FSTL4: variants seen among roughly 807,000 people sequenced by gnomAD.
The protein encoded by FSTL4 is follistatin like 4.
A neutral mutation model predicts 78.2 loss-of-function variants in FSTL4; 28 were observed. That is an observed-to-expected ratio of 0.36 (90% CI 0.27 to 0.49). FSTL4 has a LOEUF of 0.49. Ranked by LOEUF, FSTL4 falls within the 20% of genes least tolerant of loss-of-function variation. FSTL4 has a pLI of 0.98. For synonymous variants in FSTL4, 422 were observed against 440.5 expected (o/e 0.96, Z 0.53); for missense variants, 922 against 1,084.9 (o/e 0.85, Z 2.11).
At chr5:133,391,628 C>G (rs569083563) in intron 4 of FSTL4, among the ~76,000 whole-genome samples, 8 of 152,220 alleles carry the variant, frequency 5.3e-5, no homozygotes, top group Non-Finnish European at 7.3e-5. Context: ...CTCAGTTTCT[C>G]TCTGCTTACT....
intron 2 of FSTL4, among the ~76,000 whole-genome samples, chr5:133,594,005 C>T (rs931902294): frequency 3.3e-5 from 5 of 151,852 alleles, no homozygotes; most frequent in Non-Finnish European, 5.9e-5. Flanking sequence ...GCTAGGTGCT[C>T]AGTGGGTGTC....
Position 133,217,256 on chromosome 5 carries a change from G to A in FSTL4, c.1581C>T (p.Val527=), listed in dbSNP as rs111394662. 54 of 1,613,896 alleles carry A rather than the reference G, an allele frequency of 3.3e-5. No individual in the cohort carries two copies. The highest frequency in any genetic ancestry group is 1.5e-4 in the African/African-American group (11 of 75,030). The change falls in exon 13 of 16, where the codon GTC becomes GTT. Residue 527 remains valine (V), a synonymous_variant. Transcript: ENST00000265342. The stretch of plus-strand genomic sequence containing the variant: ...GTAGGACTTTCTGGGCTTGGATGTC[G>A]ACCACAAGGACTCTGCTCAGTGCTG... ...AQPALSRVLV[V]DIQAQKVLQS... is the part of the protein sequence containing the mutation.
At chr5:133,425,050 C>A (rs1756781491) in intron 3 of FSTL4, among the ~76,000 whole-genome samples, 1 of 152,192 alleles carries the variant, frequency 6.6e-6, no homozygotes, top group African/African-American at 2.4e-5. Flanking sequence ...GTGGATTAAT[C>A]TATTTCAAGT....
At position 133,354,874 on chromosome 5, in the gene FSTL4, T is replaced by G. The variant is rs149031387; in HGVS notation, c.410-38222A>C. ...ACCCAAGTGATGACAGTAATGTACA[T>G]GCATGTGTGGGATGAGGAATGTCAC... On this transcript the variant is annotated intron_variant, in intron 4 of 15. Transcript: ENST00000265342. Among the ~76,000 whole-genome samples the G allele has an allele frequency of 4.8e-3, 735 of 152,348 alleles. 11 individuals are homozygous for G. The highest frequency in any genetic ancestry group is 0.016 in the African/African-American group (684 of 41,584).
intron 6 of FSTL4, among the ~76,000 whole-genome samples, chr5:133,291,644 A>G (rs1200477102): frequency 6.6e-6 from 1 of 152,176 alleles, no homozygotes; most frequent in Non-Finnish European, 1.5e-5. Flanking sequence ...AAGGAGGGAG[A>G]GGTCCGGAGG....
At chr5:133,488,393 T>A (rs1349018704) in intron 3 of FSTL4, among the ~76,000 whole-genome samples, 2 of 152,164 alleles carry the variant, frequency 1.3e-5, no homozygotes, top group East Asian at 3.9e-4. Context: ...TAGCTGGAAT[T>A]ACGGGTACCC....
At chr5:133,681,579 A>C in the FSTL4 span, among the ~76,000 whole-genome samples, 2 of 152,254 alleles carry the variant, frequency 1.3e-5, no homozygotes, top group African/African-American at 4.8e-5. Flanking sequence ...AAAGAAAAAA[A>C]AAACTTGACA....
At position 133,311,886 on chromosome 5, in the gene FSTL4, C is replaced by T. The variant is rs538721387; in HGVS notation, c.727+768G>A. Among the ~76,000 whole-genome samples the T allele has an allele frequency of 3.9e-5, 6 of 152,284 alleles. No individual in the cohort carries two copies. In the East Asian group the frequency reaches 1.2e-3, roughly 29 times the overall value. On this transcript the variant is annotated intron_variant, in intron 6 of 15. Coordinates refer to ENST00000265342, the MANE Select transcript of FSTL4 (RefSeq NM_015082.2). ...TCATCTCTTTTGGGCCAAGGATGTC[C>T]CCTCTAGTCTCCAGCGTGGGCCCAG...
chr5:133,543,327 C>T (rs458855), intron 3 of FSTL4, among the ~76,000 whole-genome samples: 61,671 of 152,050 alleles, frequency 0.41, 12,791 homozygotes, highest in African/African-American at 0.48. Flanking sequence ...GTTGGGATTA[C>T]AGGCATGAGC....
chr5:133,532,093 G>T (rs773429439), intron 3 of FSTL4, among the ~76,000 whole-genome samples: 1 of 152,184 alleles, frequency 6.6e-6, no homozygotes, highest in Non-Finnish European at 1.5e-5. Context: ...ACAATCACAG[G>T]TCCTTCTAAA....
At chr5:133,429,527 A>G (rs775990235) in intron 3 of FSTL4, among the ~76,000 whole-genome samples, 15 of 152,160 alleles carry the variant, frequency 9.9e-5, no homozygotes, top group African/African-American at 1.7e-4. Context: ...CCAAGCCAAG[A>G]GAAGATATCA....
intron 4 of FSTL4, among the ~76,000 whole-genome samples, chr5:133,395,181 C>T (rs1755985230): frequency 6.6e-6 from 1 of 152,038 alleles, no homozygotes; most frequent in Non-Finnish European, 1.5e-5. Flanking sequence ...ACCTGGGTCC[C>T]CTTCCACCCC....
At chr5:133,669,375 G>C in the FSTL4 span, among the ~76,000 whole-genome samples, 69 of 152,332 alleles carry the variant, frequency 4.5e-4, no homozygotes, top group African/African-American at 1.5e-3. Context: ...CATCCTCCCT[G>C]AGCACTTCTT....
intron 4 of FSTL4, among the ~76,000 whole-genome samples, chr5:133,385,923 ATG>A (rs199825783): frequency 2.0e-5 from 3 of 152,170 alleles, no homozygotes; most frequent in African/African-American, 4.8e-5. Context: ...GATAATCACT[ATG>A]TGTGTGTGTT....
chr5:133,276,644 T>C (rs535608868), intron 6 of FSTL4, among the ~76,000 whole-genome samples: 2 of 152,314 alleles, frequency 1.3e-5, no homozygotes, highest in East Asian at 1.9e-4. Context: ...TCTACTCTTA[T>C]AACAGGAGCA....
chr5:133,734,925 C>T, the FSTL4 span, among the ~76,000 whole-genome samples: 1 of 152,204 alleles, frequency 6.6e-6, no homozygotes, highest in Admixed American at 6.5e-5. Context: ...CCCTCACCAT[C>T]ATGGGTCAAC....
intron 3 of FSTL4, among the ~76,000 whole-genome samples, chr5:133,562,763 G>A (rs929237418): frequency 3.3e-5 from 5 of 152,162 alleles, no homozygotes; most frequent in South Asian, 2.1e-4. Context: ...CTTACAGATC[G>A]TCCTATGCTC....
In FSTL4 at chr5:133,255,528, G is replaced by C. The variant is rs763057461; in HGVS notation, c.728-5952C>G. On this transcript the variant is annotated intron_variant, in intron 6 of 15. Transcript: ENST00000265342. Reference sequence around the variant, plus strand: ...ACAGAGCTTCCTGGACCACTAGCTAGGCTGCGTGTCCCACAGTGGGATTCT... The same window carrying C: ...ACAGAGCTTCCTGGACCACTAGCTACGCTGCGTGTCCCACAGTGGGATTCT... Among the ~76,000 whole-genome samples the C allele has an allele frequency of 1.8e-4, 28 of 152,370 alleles. 1 individual carries two copies. Among genetic ancestry groups the C allele is most frequent in the Non-Finnish European group, 2.4e-4 (16 of 68,034 alleles).
chr5:133,308,679 T>C lies in FSTL4; in HGVS notation c.727+3975A>G, dbSNP rs77121199. 6.3e-3 allele frequency among the ~76,000 whole-genome samples: 964 copies of C among 152,332 alleles called. 14 individuals carry two copies. Among genetic ancestry groups the C allele is most frequent in the African/African-American group, 0.022 (922 of 41,576 alleles). ...GAGATGGTGAAAAAACAGATGTAAA[T>C]TCACCAGGTGACCATATCATCTGTT... On this transcript the variant is annotated intron_variant, in intron 6 of 15. Transcript: ENST00000265342.
Sources: allele counts gnomAD v4.1 joint callset (sites outside exome capture counted in the v4.1 genomes callset), GRCh38; gene constraint gnomAD v4.1.1; transcripts MANE v1.5; gene names NCBI Gene and HGNC (gene_info 2026-07-23, HGNC 2026-07-21).